The following UBE2E2 variants were observed in gnomAD, a reference collection of about 807,000 sequenced individuals.
The protein encoded by UBE2E2 is ubiquitin-conjugating enzyme E2 E2.
UBE2E2 carries 6 observed loss-of-function variants against 24.7 expected under a neutral mutation model. The ratio of observed to expected loss-of-function variants is 0.24; its 90% CI spans 0.13 to 0.48. UBE2E2 has a LOEUF of 0.48. Among genes scored for constraint, UBE2E2 ranks in the 20% least tolerant of loss-of-function variants. The pLI, the probability that UBE2E2 is intolerant of heterozygous loss-of-function variation, is 0.99. For synonymous variants in UBE2E2, 104 were observed against 83.6 expected (o/e 1.24, Z -1.33); for missense variants, 169 against 245.0 (o/e 0.69, Z 2.07).
rs145182150 is a variant in UBE2E2 at position 23,283,513 on chromosome 3, C to G, written c.227+66201C>G. 2.3e-3 allele frequency among the ~76,000 whole-genome samples: 356 copies of G among 152,248 alleles called. 3 individuals carry two copies. The highest frequency in any genetic ancestry group is 8.2e-3 in the African/African-American group (340 of 41,544). ...ACTTTGGGAGGCCGAGGTGGGATCG[C>G]TTGAGCTCAGGAGTTCGAGCCTGAG... On this transcript the variant is annotated intron_variant, in intron 3 of 5. Coordinates refer to ENST00000396703, the MANE Select transcript of UBE2E2 (RefSeq NM_152653.4).
At chr3:23,300,915 G>A (rs1011972831) in intron 3 of UBE2E2, among the ~76,000 whole-genome samples, 2 of 152,130 alleles carry the variant, frequency 1.3e-5, no homozygotes, top group Non-Finnish European at 2.9e-5. Context: ...TCACTTTCAG[G>A]TACACCAATC....
At chr3:23,268,348 T>C (rs975719979) in intron 3 of UBE2E2, among the ~76,000 whole-genome samples, 3 of 151,086 alleles carry the variant, frequency 2.0e-5, no homozygotes, top group Admixed American at 6.6e-5. Flanking sequence ...GATAAGCAGC[T>C]TCAACAAAGT....
chr3:23,425,430 A>G (rs943840561), intron 3 of UBE2E2, among the ~76,000 whole-genome samples: 2 of 152,218 alleles, frequency 1.3e-5, no homozygotes, highest in Non-Finnish European at 2.9e-5. Flanking sequence ...TTAGACTTCT[A>G]GTTTCCAGAC....
intron 3 of UBE2E2, among the ~76,000 whole-genome samples, chr3:23,289,670 T>C (rs927358081): frequency 2.6e-5 from 4 of 152,236 alleles, no homozygotes; most frequent in Non-Finnish European, 5.9e-5. Flanking sequence ...TTTCTTCTTT[T>C]TATACTTTTA....
At chr3:23,211,889 A>G (rs1220492422) in intron 2 of UBE2E2, among the ~76,000 whole-genome samples, 1 of 152,200 alleles carries the variant, frequency 6.6e-6, no homozygotes, top group Non-Finnish European at 1.5e-5. Context: ...ATCTACGGTC[A>G]TATTTTTCAA....
At chr3:23,436,281 T>G (rs1054925860) in intron 3 of UBE2E2, among the ~76,000 whole-genome samples, 8 of 152,040 alleles carry the variant, frequency 5.3e-5, no homozygotes, top group Non-Finnish European at 1.0e-4. Flanking sequence ...TAAACTAGAG[T>G]TCTGATTGTG....
intron 3 of UBE2E2, among the ~76,000 whole-genome samples, chr3:23,240,181 A>G (rs1465873152): frequency 6.6e-6 from 1 of 152,210 alleles, no homozygotes; most frequent in Non-Finnish European, 1.5e-5. Flanking sequence ...TTAGCTGGTA[A>G]CTACGCTTTC....
chr3:23,473,831 T>G (rs1010721989), intron 3 of UBE2E2, among the ~76,000 whole-genome samples: 9 of 152,110 alleles, frequency 5.9e-5, no homozygotes, highest in Non-Finnish European at 1.0e-4. Context: ...TGGTTCCACA[T>G]TTTTGCAATT....
chr3:23,382,259 G>A (rs767293991), intron 3 of UBE2E2, among the ~76,000 whole-genome samples: 1 of 131,204 alleles, frequency 7.6e-6, no homozygotes, highest in African/African-American at 2.9e-5. Flanking sequence ...TCGGCTCACC[G>A]CAGCCACCAC....
At chr3:23,384,285 C>T (rs183103530) in intron 3 of UBE2E2, among the ~76,000 whole-genome samples, 2 of 152,250 alleles carry the variant, frequency 1.3e-5, no homozygotes, top group Admixed American at 1.3e-4. Flanking sequence ...GCCTCAGCCT[C>T]CCGAGTAGCT....
chr3:23,271,617 C>T (rs1196885154), intron 3 of UBE2E2, among the ~76,000 whole-genome samples: 4 of 152,094 alleles, frequency 2.6e-5, no homozygotes, highest in Admixed American at 6.5e-5. Context: ...TTGATTGGTG[C>T]GTTTACAATC....
At chr3:23,217,797 A>G (rs1187382211) in intron 3 of UBE2E2, among the ~76,000 whole-genome samples, 1 of 152,074 alleles carries the variant, frequency 6.6e-6, no homozygotes, top group Admixed American at 6.6e-5. Flanking sequence ...ATTTGAGGCA[A>G]TGATGTTAAA....
chr3:23,572,199 G>A (rs1366702884), intron 5 of UBE2E2, among the ~76,000 whole-genome samples: 1 of 152,076 alleles, frequency 6.6e-6, no homozygotes, highest in Non-Finnish European at 1.5e-5. Context: ...ATCACTACAA[G>A]TCACACACTG....
intron 3 of UBE2E2, chr3:23,449,909 G>A: frequency 5.1e-6 from 5 of 985,388 alleles, no homozygotes; most frequent in Non-Finnish European, 6.0e-6. Flanking sequence ...GGCCCCACAT[G>A]GGGACCCCTC....
At position 23,590,699 on chromosome 3, in the gene UBE2E2, T is replaced by C. The variant is rs1317344388; in HGVS notation, c.*868T>C. 1 of 152,298 alleles carries C rather than the reference T, an allele frequency of 6.6e-6. No individual in the cohort carries two copies. 9.4% of individuals were successfully genotyped at this position (152,298 alleles called of 1,614,324 possible). A position where few individuals can be genotyped will look rare whatever the true frequency, so the allele number is the denominator to read the frequency against. Reference sequence around the variant, plus strand: ...ATTTTTCATCTCAAACCTCTAATATTTCTTTGGAGTTGAGTTGCTTAGCAT... The same window carrying C: ...ATTTTTCATCTCAAACCTCTAATATCTCTTTGGAGTTGAGTTGCTTAGCAT... On this transcript the variant is annotated 3_prime_UTR_variant, in exon 6 of 6. Transcript: ENST00000396703.
At chr3:23,569,496 A>G (rs866075254) in intron 5 of UBE2E2, among the ~76,000 whole-genome samples, 4 of 152,222 alleles carry the variant, frequency 2.6e-5, no homozygotes, top group Non-Finnish European at 4.4e-5. Flanking sequence ...ACATCTCAAT[A>G]AAGCTGTTTT....
chr3:23,498,761 C>T (rs1206661218), intron 3 of UBE2E2, among the ~76,000 whole-genome samples: 1 of 152,118 alleles, frequency 6.6e-6, no homozygotes, highest in Non-Finnish European at 1.5e-5. Context: ...GGCTGAGACC[C>T]AAGAATGGCT....
intron 1 of UBE2E2, among the ~76,000 whole-genome samples, 158 bp downstream of exon 1, chr3:23,203,622 C>T (rs1696032800): frequency 6.7e-6 from 1 of 149,534 alleles, no homozygotes; most frequent in Non-Finnish European, 1.5e-5. Context: ...GCCCGGTTCC[C>T]TACGCCCCCT....
rs1400575927 is a variant in UBE2E2, at chr3:23,383,496, G to C, written c.228-116112G>C. ...CCCTTTTTTTTTTTCTGTTTAACTG[G>C]TAAGCATTGCAGTGGCACTGCATAC... On this transcript the variant is annotated intron_variant, in intron 3 of 5. Coordinates refer to ENST00000396703, the MANE Select transcript of UBE2E2 (RefSeq NM_152653.4). Among the ~76,000 whole-genome samples, 3 of 151,442 alleles carry C rather than the reference G, an allele frequency of 2.0e-5. No homozygotes were observed. The East Asian group carries it at 5.8e-4, about 29-fold the overall frequency.
Sources: allele counts gnomAD v4.1 joint callset (sites outside exome capture counted in the v4.1 genomes callset), GRCh38; gene constraint gnomAD v4.1.1; transcripts MANE v1.5; gene names NCBI Gene and HGNC (gene_info 2026-07-23, HGNC 2026-07-21).